ZNF430: variants seen among roughly 807,000 people sequenced by gnomAD.
ZNF430 encodes zinc finger protein 430.
A neutral mutation model predicts 56.7 loss-of-function variants in ZNF430; 35 were observed. That is an observed-to-expected ratio of 0.62 (90% CI 0.47 to 0.82). The LOEUF is 0.82. Among genes scored for constraint, ZNF430 ranks in the 40% least tolerant of loss-of-function variants. The pLI is 0.00. For synonymous variants in ZNF430, 212 were observed against 224.3 expected, an observed-to-expected ratio of 0.94 and a Z score of 0.49; for missense variants, 574 against 661.0, an observed-to-expected ratio of 0.87 and a Z score of 1.44.
In ZNF430 at chr19:21,034,129, G is replaced by A. The variant is rs759422741; in HGVS notation, c.267G>A (p.Glu89=). 9.3e-6 allele frequency: 15 copies of A among 1,613,168 alleles called. No individual in the cohort carries two copies. In the Admixed American group the frequency reaches 1.0e-4, roughly 11 times the overall value. Residue 89 remains glutamate (E), a synonymous_variant, in exon 4 of 5, where the codon GAG becomes GAA. Transcript: ENST00000261560. ...AGCCAGACCTGATCACCTGTCTAGA[G>A]CAAGGAAAAGAGCCCTGGAATATGA... The part of the protein sequence containing the change: ...VSKPDLITCL[E]QGKEPWNMKR...
Position 21,037,120 on chromosome 19 carries a change from T to A in ZNF430, c.322+2936T>A, listed in dbSNP as rs144073529. 1.1e-3 allele frequency among the ~76,000 whole-genome samples: 165 copies of A among 151,148 alleles called. 2 individuals carry two copies. Among genetic ancestry groups the A allele is most frequent in the African/African-American group, 3.3e-3 (137 of 41,286 alleles). On this transcript the variant is annotated intron_variant, in intron 4 of 4. Coordinates refer to ENST00000261560, the MANE Select transcript of ZNF430 (RefSeq NM_025189.4). ...AATGTGACAAGATTTTCTTTTTTTT[T>A]TTTTTTTTTATTTTTGAGACGGAGT...
At chr19:21,056,497 A>C in intron 4 of ZNF430, 134 bp from the exon 5 acceptor site, 1 of 658,664 alleles carries the variant, frequency 1.5e-6, no homozygotes, top group East Asian at 3.1e-5. Context: ...TAAAAAAAAA[A>C]AAAAATTAGG....
At chr19:21,047,632 T>C (rs1968203917) in intron 4 of ZNF430, among the ~76,000 whole-genome samples, 1 of 152,206 alleles carries the variant, frequency 6.6e-6, no homozygotes, top group African/African-American at 2.4e-5. Flanking sequence ...CTTCAGACCC[T>C]ATTTGCCTGG....
intron 1 of ZNF430, among the ~76,000 whole-genome samples, chr19:21,021,072 C>A (rs1974289367): frequency 6.6e-6 from 1 of 152,156 alleles, no homozygotes; most frequent in Non-Finnish European, 1.5e-5. Context: ...AGCGCCGCGT[C>A]TCTCCCAGAC....
chr19:21,033,515 G>C lies in ZNF430; in HGVS notation c.156G>C (p.Leu52=), dbSNP rs376411042. The C allele has an allele frequency of 6.2e-7, 1 of 1,611,878 alleles. No homozygotes were observed. ...IEFSLEEWQC[L]DTAQQDLYRK... The stretch of plus-strand genomic sequence containing the variant: ...TTTCTCTGGAGGAGTGGCAATGCCT[G>C]GACACTGCTCAGCAGGATTTGTATA... Residue 52 remains leucine (L), a synonymous_variant, in exon 3 of 5, where the codon CTG becomes CTC. Coordinates refer to ENST00000261560, the MANE Select transcript of ZNF430 (RefSeq NM_025189.4).
chr19:21,034,912 T>TTTG (rs369179344), intron 4 of ZNF430: 25 of 152,334 alleles, frequency 1.6e-4, no homozygotes, highest in South Asian at 4.1e-4. Flanking sequence ...TCCACTGTTT[T>TTTG]TTGTTGTTGT....
At chr19:21,039,227 G>A (rs540211308) in intron 4 of ZNF430, among the ~76,000 whole-genome samples, 1 of 152,158 alleles carries the variant, frequency 6.6e-6, no homozygotes, top group East Asian at 1.9e-4. Context: ...GGGATTACGG[G>A]CATGAGCCAC....
At chr19:21,056,529 C>A in intron 4 of ZNF430, 102 bp from the exon 5 acceptor site, 3 of 846,416 alleles carry the variant, frequency 3.5e-6, no homozygotes, top group South Asian at 3.3e-5. Flanking sequence ...TTTGCTATGC[C>A]ATCTTGTTTA....
At chr19:21,022,698 T>C in intron 1 of ZNF430, 91 bp from the exon 2 acceptor site, 2 of 939,324 alleles carry the variant, frequency 2.1e-6, no homozygotes, top group Non-Finnish European at 3.5e-6. Flanking sequence ...TGGGTTTCAG[T>C]ATTGTCTGGG....
At chr19:21,026,975 A>G (rs12609510) in intron 2 of ZNF430, among the ~76,000 whole-genome samples, 122,643 of 151,290 alleles carry the variant, frequency 0.81, 51,973 homozygotes, top group Middle Eastern at 0.93. Flanking sequence ...GACTACAGGC[A>G]CATGCCACCA....
In ZNF430 at chr19:21,057,698, A is replaced by G; in HGVS notation, c.1390A>G (p.Lys464Glu). ...EKPYKCEECGKAFNRSPKLTA... is the reference protein window; with the variant it reads ...EKPYKCEECGEAFNRSPKLTA... ...ACCCTACAAATGTGAAGAATGTGGC[A>G]AAGCCTTTAACCGGTCCCCAAAACT... The change falls in exon 5 of 5, where the codon AAA becomes GAA. Residue 464 changes from lysine (K) to glutamate (E), a missense_variant. Transcript: ENST00000261560. The G allele has an allele frequency of 6.2e-7, 1 of 1,608,340 alleles. No homozygotes were observed. Among genetic ancestry groups the G allele is most frequent in the Non-Finnish European group, 8.5e-7 (1 of 1,177,572 alleles).
At chr19:21,020,844 C>T (rs1260914721) in intron 1 of ZNF430, 41 bp downstream of exon 1, 1 of 1,613,262 alleles carries the variant, frequency 6.2e-7, no homozygotes, top group Admixed American at 1.7e-5. Flanking sequence ...AGGGGAGGGG[C>T]TGGTTGTAAT....
At chr19:21,055,123 G>A (rs993123794) in intron 4 of ZNF430, among the ~76,000 whole-genome samples, 1 of 151,748 alleles carries the variant, frequency 6.6e-6, no homozygotes, top group African/African-American at 2.4e-5. Context: ...CACTCACTGA[G>A]TATTATTCAA....
chr19:21,033,353 A>G, intron 2 of ZNF430, 103 bp from the exon 3 acceptor site: 1 of 1,466,048 alleles, frequency 6.8e-7, no homozygotes, highest in Non-Finnish European at 9.1e-7. Context: ...GCAAATCAGA[A>G]CCAATTCTCT....
chr19:21,044,441 C>A lies in ZNF430; in HGVS notation c.322+10257C>A, dbSNP rs1047758865. 2.6e-5 allele frequency among the ~76,000 whole-genome samples: 4 copies of A among 152,074 alleles called. No homozygotes were observed. In the East Asian group the frequency reaches 7.7e-4, roughly 29 times the overall value. On this transcript the variant is annotated intron_variant, in intron 4 of 4. Transcript: ENST00000261560. ...ATCCCAGGGATGAAGCTGACTTGAT[C>A]GCGGTGGATAAGCTTTTCGATGTGC... is the stretch of plus-strand genomic sequence containing the variant.
intron 4 of ZNF430, among the ~76,000 whole-genome samples, chr19:21,049,008 C>T (rs1968233184): frequency 6.6e-6 from 1 of 151,648 alleles, no homozygotes; most frequent in Admixed American, 6.6e-5. Flanking sequence ...CCAGCCTGGC[C>T]AACATGGTGA....
At chr19:21,045,936 A>T (rs1269211135) in intron 4 of ZNF430, among the ~76,000 whole-genome samples, 1 of 151,900 alleles carries the variant, frequency 6.6e-6, no homozygotes, top group Non-Finnish European at 1.5e-5. Flanking sequence ...TGCATGTGAG[A>T]TGGGTTTCTT....
intron 4 of ZNF430, chr19:21,035,569 T>C (rs1262040368): frequency 2.8e-5 from 6 of 215,080 alleles, no homozygotes; most frequent in Non-Finnish European, 4.0e-5. Context: ...ATAGAAGCAT[T>C]GACAATGGGC....
chr19:21,025,590 CT>C (rs952807682), intron 2 of ZNF430, among the ~76,000 whole-genome samples: 92 of 147,400 alleles, frequency 6.2e-4, no homozygotes, highest in African/African-American at 1.8e-3. Flanking sequence ...GACATTTCTC[CT>C]TTTTTTTTTA....
Sources: allele counts gnomAD v4.1 joint callset (sites outside exome capture counted in the v4.1 genomes callset), GRCh38; gene constraint gnomAD v4.1.1; transcripts MANE v1.5; gene names NCBI Gene and HGNC (gene_info 2026-07-23, HGNC 2026-07-21).